SETD3: variants seen among roughly 807,000 people sequenced by gnomAD.
SETD3 encodes the protein actin-histidine N-methyltransferase.
SETD3 carries 19 observed loss-of-function variants against 63.0 expected under a neutral mutation model. The ratio of observed to expected loss-of-function variants is 0.30; its 90% CI spans 0.21 to 0.44. The LOEUF (loss-of-function observed/expected upper bound fraction) is 0.44. Among genes scored for constraint, SETD3 ranks in the 20% least tolerant of loss-of-function variants. The pLI, the probability that SETD3 is intolerant of heterozygous loss-of-function variation, is 1.00. For synonymous variants in SETD3, 286 were observed against 264.1 expected (o/e 1.08, Z -0.80); for missense variants, 587 against 728.5 (o/e 0.81, Z 2.24).
chr14:99,413,986 CAG>C, intron 6 of SETD3, 52 bp from the exon 7 acceptor site: 1 of 1,501,698 alleles, frequency 6.7e-7, no homozygotes, highest in South Asian at 1.1e-5. Context: ...AAAGGGAAAA[CAG>C]AAATCAGTCA....
chr14:99,408,283 T>A (rs1314474347), intron 8 of SETD3, among the ~76,000 whole-genome samples: 1 of 152,204 alleles, frequency 6.6e-6, no homozygotes, highest in South Asian at 2.1e-4. Context: ...TATGCAGCAA[T>A]GAGAAATAAA....
chr14:99,402,072 T>C (rs536137103), intron 11 of SETD3, among the ~76,000 whole-genome samples: 2 of 152,158 alleles, frequency 1.3e-5, no homozygotes, highest in Non-Finnish European at 2.9e-5. Context: ...CAGTGTGTGC[T>C]CACCCCGGAG....
Position 99,404,262 on chromosome 14 carries a change from C to G in SETD3, c.1140G>C (p.Gln380His), listed in dbSNP as rs150759514. ...LHFTEPPISA[Q>H]LLAFLRVFCM... The stretch of plus-strand genomic sequence containing the variant: ...AGAATACTCGGAGAAAAGCCAAAAG[C>G]TGAGCAGAGATGGGCGGCTCGGTAA... The change falls in exon 11 of 13, where the codon CAG (glutamine) becomes CAC (histidine). Residue 380 changes from glutamine (Q) to histidine (H), a missense_variant. Physicochemically the swap from Gln to His is conservative, Grantham distance 24. Transcript: ENST00000331768. The G allele has an allele frequency of 1.4e-5, 23 of 1,614,024 alleles. No individual in the cohort carries two copies. Among genetic ancestry groups the G allele is most frequent in the Non-Finnish European group, 1.9e-5 (22 of 1,180,016 alleles).
At chr14:99,432,956 AAAACTGATAAATT>A (rs1472733838) in intron 6 of SETD3, among the ~76,000 whole-genome samples, 1 of 152,254 alleles carries the variant, frequency 6.6e-6, no homozygotes, top group African/African-American at 2.4e-5. Context: ...TTTAAAAAAT[AAAACTGATAAATT>A]AGACTTTGTT....
Position 99,471,209 on chromosome 14 carries a change from T to A in SETD3, c.-8-5396A>T, listed in dbSNP as rs78872178. On this transcript the variant is annotated intron_variant, in intron 1 of 12. Transcript: ENST00000331768. ...GATCTAATATAGTGTCACAGACACATAGAAGGTCAAAATTTGTTGAGTAAA... is the reference window on the plus strand; with the variant it reads ...GATCTAATATAGTGTCACAGACACAAAGAAGGTCAAAATTTGTTGAGTAAA... 3.3e-5 allele frequency among the ~76,000 whole-genome samples: 5 copies of A among 152,300 alleles called. No individual in the cohort carries two copies. The East Asian group carries it at 9.6e-4, about 29-fold the overall frequency.
chr14:99,427,778 G>C (rs1438511350), intron 6 of SETD3, among the ~76,000 whole-genome samples: 1 of 152,194 alleles, frequency 6.6e-6, no homozygotes, highest in Non-Finnish European at 1.5e-5. Context: ...TTTGGAGCAG[G>C]GAGCCCAGAC....
At position 99,406,546 on chromosome 14, in the gene SETD3, C is replaced by T; in HGVS notation, c.894G>A (p.Val298=). 1.2e-6 allele frequency: 2 copies of T among 1,614,202 alleles called. No individual in the cohort carries two copies. The highest frequency in any genetic ancestry group is 2.2e-5 in the South Asian group (2 of 91,086). Residue 298 remains valine, a synonymous_variant, in exon 9 of 13, where the codon GTG becomes GTA. Coordinates refer to ENST00000331768, the MANE Select transcript of SETD3 (RefSeq NM_032233.3). ...CTCCAGCCCGAAAATCCTGCAGAGC[C>T]ACACACTCACAGCGGTCATCTTCCA... is the stretch of plus-strand genomic sequence containing the variant. ...YNLEDDRCEC[V]ALQDFRAGEQ...
rs573102632 is a variant in SETD3 at position 99,435,813 on chromosome 14, A to C, written c.676-21879T>G. On this transcript the variant is annotated intron_variant, in intron 6 of 12. Transcript: ENST00000331768. ...CTTGAGGGACTTGGCTATGGTCACA[A>C]AGTGAATAACTGACAAAGAAAGAAG... 2.0e-5 allele frequency among the ~76,000 whole-genome samples: 3 copies of C among 151,902 alleles called. No individual in the cohort carries two copies. The South Asian group carries it at 6.3e-4, about 32-fold the overall frequency.
intron 6 of SETD3, among the ~76,000 whole-genome samples, chr14:99,448,435 CA>C (rs1356363277): frequency 2.0e-5 from 3 of 152,164 alleles, no homozygotes; most frequent in Admixed American, 1.3e-4. Context: ...GCCGCTCCGA[CA>C]GAACAGTTCC....
At chr14:99,482,090 G>A (rs1372855171), upstream of SETD3, among the ~76,000 whole-genome samples, 2 of 152,226 alleles carry the variant, frequency 1.3e-5, no homozygotes, top group Non-Finnish European at 2.9e-5. Context: ...CGTAAGTCTA[G>A]AGGTTATGTG....
At chr14:99,472,914 A>AG (rs1895781516) in intron 1 of SETD3, among the ~76,000 whole-genome samples, 1 of 152,250 alleles carries the variant, frequency 6.6e-6, no homozygotes, top group Non-Finnish European at 1.5e-5. Context: ...TTATACAATT[A>AG]TAGTTAGTCA....
At chr14:99,401,206 A>G (rs747744555) in intron 11 of SETD3, among the ~76,000 whole-genome samples, 58 of 152,210 alleles carry the variant, frequency 3.8e-4, no homozygotes, top group Admixed American at 2.5e-3. Flanking sequence ...TCAGGAATTT[A>G]AATAGGAATT....
intron 8 of SETD3, among the ~76,000 whole-genome samples, chr14:99,407,885 T>C (rs1419540939): frequency 1.3e-5 from 2 of 152,156 alleles, no homozygotes; most frequent in African/African-American, 2.4e-5. Flanking sequence ...AAACCTGAAG[T>C]GGTCTTTGAG....
chr14:99,486,182 A>G, the SETD3 span, among the ~76,000 whole-genome samples: 1 of 152,176 alleles, frequency 6.6e-6, no homozygotes, highest in African/African-American at 2.4e-5. Context: ...ACTGTTGACT[A>G]CCATCTCTGG....
intron 6 of SETD3, among the ~76,000 whole-genome samples, chr14:99,431,211 C>CAT (rs1175969287): frequency 6.6e-6 from 1 of 152,150 alleles, no homozygotes; most frequent in Non-Finnish European, 1.5e-5. Context: ...GGGTCCCTTA[C>CAT]ATTTTTGTGA....
chr14:99,475,514 C>A (rs1163405998), intron 1 of SETD3, among the ~76,000 whole-genome samples: 1 of 152,248 alleles, frequency 6.6e-6, no homozygotes, highest in Middle Eastern at 3.2e-3. Context: ...CCCTCCAGTA[C>A]GATATTGCAG....
At chr14:99,440,310 C>T (rs1180426452) in intron 6 of SETD3, among the ~76,000 whole-genome samples, 1 of 151,806 alleles carries the variant, frequency 6.6e-6, no homozygotes, top group Non-Finnish European at 1.5e-5. Context: ...GTACGCAAAC[C>T]ATTAACACGT....
chr14:99,468,790 A>G (rs978990860), intron 1 of SETD3, among the ~76,000 whole-genome samples: 4 of 152,134 alleles, frequency 2.6e-5, no homozygotes, highest in Non-Finnish European at 5.9e-5. Flanking sequence ...AATTCCTTGT[A>G]TGTTCTCCCA....
At chr14:99,469,780 G>A (rs1895597122) in intron 1 of SETD3, among the ~76,000 whole-genome samples, 1 of 152,090 alleles carries the variant, frequency 6.6e-6, no homozygotes, top group Admixed American at 6.5e-5. Context: ...CATAGTGCAC[G>A]AATTCATGGA....
Sources: gnomAD v4.1 joint callset for allele counts (sites outside exome capture counted in the v4.1 genomes callset) on GRCh38, gnomAD v4.1.1 for gene constraint, MANE v1.5 for transcripts, NCBI Gene and HGNC (gene_info 2026-07-23, HGNC 2026-07-21) for gene names.